CDK19: variants seen among roughly 807,000 people sequenced by gnomAD.
CDK19 encodes the protein cyclin-dependent kinase 19.
A neutral mutation model predicts 68.3 loss-of-function variants in CDK19; 20 were observed. That is an observed-to-expected ratio of 0.29 (90% CI 0.21 to 0.43). The LOEUF (loss-of-function observed/expected upper bound fraction) is 0.43. CDK19 is among the 20% of genes least tolerant of loss of function. The probability of loss-of-function intolerance (pLI) is 1.00; values close to 1 mark genes in which losing one functional copy is unlikely to be tolerated. For synonymous variants in CDK19, 221 were observed against 222.8 expected (o/e 0.99, Z 0.07); for missense variants, 339 against 623.5 (o/e 0.54, Z 4.86).
At chr6:110,813,040 TGA>T (rs1240875113) in intron 1 of CDK19, 1 of 144,534 alleles carries the variant, frequency 6.9e-6, no homozygotes, top group East Asian at 2.5e-4. Context: ...TTTCAGATCC[TGA>T]GAGGTTTTTT....
chr6:110,797,337 C>A (rs939226220), intron 1 of CDK19, among the ~76,000 whole-genome samples: 4 of 150,836 alleles, frequency 2.7e-5, no homozygotes, highest in Admixed American at 2.6e-4. Context: ...GAGACTTCGT[C>A]TCAAAAAAAA....
At chr6:110,681,518 T>G (rs898133986) in intron 2 of CDK19, among the ~76,000 whole-genome samples, 1 of 152,212 alleles carries the variant, frequency 6.6e-6, no homozygotes, top group Non-Finnish European at 1.5e-5. Context: ...GACAGAACTT[T>G]CCAGAAATCC....
At chr6:110,720,500 A>G (rs902855049) in intron 2 of CDK19, among the ~76,000 whole-genome samples, 5 of 152,328 alleles carry the variant, frequency 3.3e-5, no homozygotes, top group African/African-American at 1.2e-4. Flanking sequence ...TTCACAAAAC[A>G]GTAATTATTT....
At chr6:110,655,292 G>A (rs1489345458) in intron 4 of CDK19, among the ~76,000 whole-genome samples, 3 of 151,914 alleles carry the variant, frequency 2.0e-5, no homozygotes, top group African/African-American at 4.8e-5. Flanking sequence ...CTTGAACCCA[G>A]GAGGCAGAGG....
At chr6:110,813,307 A>C (rs891245019) in intron 1 of CDK19, 8 of 152,198 alleles carry the variant, frequency 5.3e-5, no homozygotes, top group African/African-American at 1.2e-4. Flanking sequence ...TAATAAAAGA[A>C]AGCTATTTTA....
chr6:110,610,723 T>C lies in CDK19; in HGVS notation c.*3812A>G, dbSNP rs1260343628. ...CATTTCACTGCCTTTCTCTACTCCC[T>C]AGGAAGACATCATCATAGAGTTTTG... On this transcript the variant is annotated 3_prime_UTR_variant, in exon 13 of 13. Transcript: ENST00000368911. 6.6e-6 allele frequency: 1 copy of C among 152,164 alleles called. No individual in the cohort carries two copies. The highest frequency in any genetic ancestry group is 1.5e-5 in the Non-Finnish European group (1 of 67,998). The allele number at this position is 152,164 out of a possible 1,614,324, so 9.4% of individuals were successfully genotyped here. A position where few individuals can be genotyped will look rare whatever the true frequency, so the allele number is the denominator to read the frequency against.
At chr6:110,691,213 ACCTGTAATCCCAGCACT>A (rs1315426658) in intron 2 of CDK19, among the ~76,000 whole-genome samples, 1 of 152,142 alleles carries the variant, frequency 6.6e-6, no homozygotes, top group Non-Finnish European at 1.5e-5. Context: ...GGTGGCTCAC[ACCTGTAATCCCAGCACT>A]CTGGGAGGCC....
chr6:110,741,484 TA>T (rs943272855), intron 2 of CDK19, among the ~76,000 whole-genome samples: 155 of 139,378 alleles, frequency 1.1e-3, no homozygotes, highest in Middle Eastern at 3.6e-3. Flanking sequence ...TAAAATAAAT[TA>T]AAAAAAAAAA....
chr6:110,807,138 A>G (rs112405500), intron 1 of CDK19, among the ~76,000 whole-genome samples: 13 of 151,460 alleles, frequency 8.6e-5, no homozygotes, highest in African/African-American at 3.2e-4. Context: ...CATCTCTACA[A>G]ATAATTTAAA....
chr6:110,784,061 A>T (rs559030348), intron 1 of CDK19, among the ~76,000 whole-genome samples: 2 of 148,736 alleles, frequency 1.3e-5, no homozygotes, highest in African/African-American at 4.9e-5. Context: ...CGGGAGGCTG[A>T]GGCAAGAGAA....
intron 4 of CDK19, among the ~76,000 whole-genome samples, chr6:110,664,237 G>A (rs1279317664): frequency 6.6e-6 from 1 of 152,008 alleles, no homozygotes; most frequent in East Asian, 1.9e-4. Context: ...ACTCCCTTGG[G>A]TTACCCTCAT....
chr6:110,647,996 C>T (rs1481386110), intron 4 of CDK19, among the ~76,000 whole-genome samples: 1 of 151,908 alleles, frequency 6.6e-6, no homozygotes, highest in Non-Finnish European at 1.5e-5. Context: ...TTGATAGATG[C>T]TGGGGAAAAA....
At chr6:110,670,072 G>A (rs527899158) in intron 3 of CDK19, among the ~76,000 whole-genome samples, 1 of 152,044 alleles carries the variant, frequency 6.6e-6, no homozygotes, top group Non-Finnish European at 1.5e-5. Flanking sequence ...CAGGAGAATC[G>A]CTTGAACCTG....
At chr6:110,706,229 T>A (rs553805241) in intron 2 of CDK19, 11 of 151,032 alleles carry the variant, frequency 7.3e-5, no homozygotes, top group Middle Eastern at 3.4e-3. Context: ...ATTTTTGTAT[T>A]TTTAGGAGAG....
intron 2 of CDK19, among the ~76,000 whole-genome samples, chr6:110,683,978 A>G (rs540949308): frequency 6.6e-6 from 1 of 151,826 alleles, no homozygotes; most frequent in East Asian, 1.9e-4. Context: ...CAAAGTGCCG[A>G]GAATACAGGC....
At chr6:110,799,880 G>T (rs1248591425) in intron 1 of CDK19, among the ~76,000 whole-genome samples, 3 of 152,122 alleles carry the variant, frequency 2.0e-5, no homozygotes, top group African/African-American at 7.2e-5. Flanking sequence ...TGGAATTATA[G>T]GTGTGAGCCA....
At chr6:110,778,938 G>A (rs1406448754) in intron 1 of CDK19, among the ~76,000 whole-genome samples, 1 of 152,108 alleles carries the variant, frequency 6.6e-6, no homozygotes, top group Non-Finnish European at 1.5e-5. Flanking sequence ...CAGTCAAGCA[G>A]ACAGAAGGAA....
chr6:110,773,896 A>G (rs1316698613), intron 1 of CDK19: 2 of 152,160 alleles, frequency 1.3e-5, no homozygotes, highest in African/African-American at 4.8e-5. Flanking sequence ...AAAGTCTGCT[A>G]CCTCCAACGC....
chr6:110,617,659 A>ATT (rs1778407257), intron 12 of CDK19, among the ~76,000 whole-genome samples: 7 of 81,242 alleles, frequency 8.6e-5, no homozygotes, highest in Admixed American at 7.9e-4. Context: ...ATTTATATAT[A>ATT]TATACACACA....
Sources: allele counts gnomAD v4.1 joint callset (sites outside exome capture counted in the v4.1 genomes callset), GRCh38; gene constraint gnomAD v4.1.1; transcripts MANE v1.5; gene names NCBI Gene and HGNC (gene_info 2026-07-23, HGNC 2026-07-21).